ETHE1: variants seen among roughly 807,000 people sequenced by gnomAD.
ETHE1 encodes the protein persulfide dioxygenase ETHE1, mitochondrial.
ETHE1 carries 16 observed loss-of-function variants against 25.7 expected under a neutral mutation model. The ratio of observed to expected loss-of-function variants is 0.62; its 90% CI spans 0.42 to 0.95. The LOEUF (loss-of-function observed/expected upper bound fraction) is 0.95, where lower values mean the gene tolerates loss of function less well. Among genes scored for constraint, ETHE1 ranks in the 40% least tolerant of loss-of-function variants. The probability of loss-of-function intolerance (pLI) is 0.00; values close to 1 mark genes in which losing one functional copy is unlikely to be tolerated. For synonymous variants in ETHE1, 139 were observed against 135.9 expected, an observed-to-expected ratio of 1.02 and a Z score of -0.16; for missense variants, 300 against 333.6, an observed-to-expected ratio of 0.90 and a Z score of 0.79.
Position 43,527,092 on chromosome 19 carries a change from C to G in ETHE1, c.81+5G>C. 1 of 1,551,640 alleles carries G rather than the reference C, an allele frequency of 6.4e-7. No homozygotes were observed. The highest frequency in any genetic ancestry group is 1.2e-5 in the South Asian group (1 of 84,988). On this transcript the variant is annotated splice_donor_5th_base_variant and intron_variant, in intron 1 of 6. Transcript: ENST00000292147. The stretch of plus-strand genomic sequence containing the variant: ...CAGTCCCCTCCTAGGTCCAGCCACC[C>G]GCACCTGCCGCAGGAGGATGGGGGC...
At chr19:43,508,731 T>G in intron 5 of ETHE1, 44 bp downstream of exon 5, 1 of 1,456,520 alleles carries the variant, frequency 6.9e-7, no homozygotes, top group South Asian at 1.2e-5. Context: ...ACACTCCACT[T>G]TCAAAGTTAT....
At chr19:43,519,298 C>T (rs1284948004) in intron 3 of ETHE1, among the ~76,000 whole-genome samples, 1 of 152,046 alleles carries the variant, frequency 6.6e-6, no homozygotes, top group African/African-American at 2.4e-5. Context: ...AGGCGTGAGC[C>T]ACCGCGCCCG....
chr19:43,510,222 G>A (rs183575282), intron 4 of ETHE1, among the ~76,000 whole-genome samples: 13 of 152,048 alleles, frequency 8.5e-5, no homozygotes, highest in Admixed American at 6.6e-5. Flanking sequence ...AACTATACTC[G>A]CTTTCTACAG....
At chr19:43,522,286 A>G (rs1002289991) in intron 3 of ETHE1, among the ~76,000 whole-genome samples, 1 of 152,044 alleles carries the variant, frequency 6.6e-6, no homozygotes, top group African/African-American at 2.4e-5. Flanking sequence ...TTAGCTGGGC[A>G]TGGTGGCACA....
intron 4 of ETHE1, 121 bp from the exon 5 acceptor site, chr19:43,508,985 C>A: frequency 1.3e-6 from 1 of 777,028 alleles, no homozygotes; most frequent in Non-Finnish European, 2.2e-6. Context: ...CGTGTCCTGC[C>A]AATATCCCTT....
At chr19:43,516,393 G>A (rs201338899) in intron 3 of ETHE1, among the ~76,000 whole-genome samples, 4 of 151,604 alleles carry the variant, frequency 2.6e-5, no homozygotes, top group Admixed American at 6.6e-5. Context: ...TCCGCCTCCC[G>A]GGTTCAAGCG....
chr19:43,511,222 C>T (rs1224132242), intron 4 of ETHE1, among the ~76,000 whole-genome samples: 1 of 152,086 alleles, frequency 6.6e-6, no homozygotes, highest in Non-Finnish European at 1.5e-5. Flanking sequence ...AAACTATGCC[C>T]TGCCATGGTC....
At chr19:43,518,054 C>T (rs1233355807) in intron 3 of ETHE1, among the ~76,000 whole-genome samples, 1 of 147,546 alleles carries the variant, frequency 6.8e-6, no homozygotes, top group East Asian at 2.0e-4. Context: ...GGATATGAAA[C>T]TGTTCTAGAT....
chr19:43,510,902 C>T (rs1444423807), intron 4 of ETHE1, among the ~76,000 whole-genome samples: 1 of 152,046 alleles, frequency 6.6e-6, no homozygotes, highest in African/African-American at 2.4e-5. Flanking sequence ...ACAGCCACTC[C>T]CCATCACTCC....
At chr19:43,522,322 G>T (rs899256321) in intron 3 of ETHE1, among the ~76,000 whole-genome samples, 2 of 152,046 alleles carry the variant, frequency 1.3e-5, no homozygotes, top group African/African-American at 4.8e-5. Context: ...CTACTCAGGA[G>T]GCTGCGGTAG....
chr19:43,518,562 T>C (rs1231342717), intron 3 of ETHE1, among the ~76,000 whole-genome samples: 2 of 150,864 alleles, frequency 1.3e-5, no homozygotes, highest in African/African-American at 2.4e-5. Flanking sequence ...CTGGCTAACA[T>C]GGTGAAACCC....
At chr19:43,518,120 A>C (rs553749028) in intron 3 of ETHE1, among the ~76,000 whole-genome samples, 1 of 151,600 alleles carries the variant, frequency 6.6e-6, no homozygotes, top group East Asian at 1.9e-4. Flanking sequence ...AAAGAAAACA[A>C]AACAAAAAGA....
chr19:43,519,011 T>G (rs1313108407), intron 3 of ETHE1, among the ~76,000 whole-genome samples: 23,345 of 99,308 alleles, frequency 0.24, 2,477 homozygotes, highest in African/African-American at 0.27. Context: ...TTTTTTTTTT[T>G]TTTTTTTTTT....
At chr19:43,521,259 A>T (rs1000844068) in intron 3 of ETHE1, among the ~76,000 whole-genome samples, 2 of 152,082 alleles carry the variant, frequency 1.3e-5, no homozygotes, top group African/African-American at 4.8e-5. Flanking sequence ...CGAAAGGCGG[A>T]GGTTGCAGTG....
At chr19:43,508,987 A>G (rs1971852071) in intron 4 of ETHE1, 123 bp from the exon 5 acceptor site, 1 of 772,338 alleles carries the variant, frequency 1.3e-6, no homozygotes, top group Non-Finnish European at 2.3e-6. Context: ...TGTCCTGCCA[A>G]TATCCCTTTG....
chr19:43,509,104 C>T (rs554670806), intron 4 of ETHE1, among the ~76,000 whole-genome samples: 1 of 152,288 alleles, frequency 6.6e-6, no homozygotes, highest in South Asian at 2.1e-4. Flanking sequence ...GTTGGAATGA[C>T]ACCGTGAAGC....
In ETHE1 at chr19:43,526,260, T is replaced by G. The variant is rs1393226522; in HGVS notation, c.316A>C (p.Ser106Arg). 3 of 1,614,004 alleles carry G rather than the reference T, an allele frequency of 1.9e-6. No homozygotes were observed. Among genetic ancestry groups the G allele is most frequent in the Non-Finnish European group, 2.5e-6 (3 of 1,180,004 alleles). Residue 106 changes from serine (S) to arginine (R), a missense_variant, in exon 3 of 7, where the codon AGT becomes CGT. Physicochemically the swap from Ser to Arg is moderately radical, Grantham distance 110. Transcript: ENST00000292147. ...ATGTGTAAGTCAGCCTGGGCCCCACTAAGGCGGGAGATGACAGACTGGCAG... is the reference window on the plus strand; with the variant it reads ...ATGTGTAAGTCAGCCTGGGCCCCACGAAGGCGGGAGATGACAGACTGGCAG... ...PGCQSVISRL[S>R]GAQADLHIED...
chr19:43,518,383 G>C (rs1188558541), intron 3 of ETHE1, among the ~76,000 whole-genome samples: 1 of 151,608 alleles, frequency 6.6e-6, no homozygotes, highest in Non-Finnish European at 1.5e-5. Context: ...GAAAAAAAAA[G>C]CTGTAAAAAT....
chr19:43,515,548 C>T (rs1011927382), intron 3 of ETHE1, among the ~76,000 whole-genome samples: 12 of 152,008 alleles, frequency 7.9e-5, no homozygotes, highest in Non-Finnish European at 1.3e-4. Context: ...TCTGAAACCT[C>T]AGATAGTACA....
Sources: allele counts gnomAD v4.1 joint callset (sites outside exome capture counted in the v4.1 genomes callset), GRCh38; gene constraint gnomAD v4.1.1; transcripts MANE v1.5; gene names NCBI Gene and HGNC (gene_info 2026-07-23, HGNC 2026-07-21).